NCALD: variants seen among roughly 807,000 people sequenced by gnomAD.
NCALD encodes the protein neurocalcin delta.
NCALD carries 10 observed loss-of-function variants against 18.6 expected under a neutral mutation model. That is an observed-to-expected ratio of 0.54 (90% CI 0.33 to 0.91). NCALD has a LOEUF of 0.91. Among genes scored for constraint, NCALD ranks in the 40% least tolerant of loss-of-function variants. The pLI is 0.03. For missense variants in NCALD, 184 were observed against 247.6 expected (o/e 0.74, Z 1.72); for synonymous variants, 88 against 87.4 (o/e 1.01, Z -0.04).
At chr8:102,032,147 C>G (rs1221354776) in intron 1 of NCALD, among the ~76,000 whole-genome samples, 1 of 152,106 alleles carries the variant, frequency 6.6e-6, no homozygotes, top group Non-Finnish European at 1.5e-5. Context: ...ACCATAAAAT[C>G]AGCTAAGTGA....
rs1586297194 is a variant in NCALD, at chr8:101,719,659, A to G, written c.-19-11T>C. The G allele has an allele frequency of 2.0e-6, 3 of 1,535,542 alleles. No individual in the cohort carries two copies. The highest frequency in any genetic ancestry group is 1.7e-6 in the Non-Finnish European group (2 of 1,146,918). ...GCGGCAAGAATTCAGCTGCAGATAG[A>G]AAAGAAAACATATATAATTTGTAGA... On this transcript the variant is annotated splice_polypyrimidine_tract_variant and intron_variant, in intron 1 of 3. Coordinates refer to ENST00000220931, the MANE Select transcript of NCALD (RefSeq NM_032041.3).
chr8:101,862,060 T>C (rs1402694199), intron 4 of NCALD, among the ~76,000 whole-genome samples: 1 of 152,218 alleles, frequency 6.6e-6, no homozygotes, highest in Admixed American at 6.5e-5. Context: ...TGCCCTTAAG[T>C]AGTAAACAAG....
chr8:102,081,159 C>G (rs1370339957), intron 1 of NCALD, among the ~76,000 whole-genome samples: 1 of 151,968 alleles, frequency 6.6e-6, no homozygotes, highest in Non-Finnish European at 1.5e-5. Flanking sequence ...CTTTTATGAC[C>G]CTTTCTGTTG....
At chr8:101,823,546 G>C (rs1813806944) in intron 4 of NCALD, among the ~76,000 whole-genome samples, 1 of 151,556 alleles carries the variant, frequency 6.6e-6, no homozygotes, top group African/African-American at 2.4e-5. Context: ...AAGACGTTGA[G>C]CAAATAAAAA....
At position 101,902,505 on chromosome 8, in the gene NCALD, A is replaced by G. The variant is rs75517155; in HGVS notation, c.-107+13304T>C. On this transcript the variant is annotated intron_variant, in intron 3 of 6. Transcript: ENST00000311028. Reference sequence around the variant, plus strand: ...CTCCTTTCAACAGCCCTCTGTTAGAACATGCCCTAGAGTTCCTCTACAGAG... The same window carrying G: ...CTCCTTTCAACAGCCCTCTGTTAGAGCATGCCCTAGAGTTCCTCTACAGAG... 4.9e-3 allele frequency among the ~76,000 whole-genome samples: 748 copies of G among 152,296 alleles called. 3 individuals are homozygous for G. The highest frequency in any genetic ancestry group is 7.4e-3 in the Non-Finnish European group (502 of 68,020).
At chr8:101,962,265 C>A (rs1303147765) in intron 2 of NCALD, among the ~76,000 whole-genome samples, 1 of 152,192 alleles carries the variant, frequency 6.6e-6, no homozygotes, top group Non-Finnish European at 1.5e-5. Flanking sequence ...ATGGCACAGT[C>A]TGCCAAACTC....
intron 2 of NCALD, among the ~76,000 whole-genome samples, chr8:101,938,785 A>G (rs1449572774): frequency 6.6e-6 from 1 of 152,220 alleles, no homozygotes; most frequent in Non-Finnish European, 1.5e-5. Flanking sequence ...CTCAACCTGT[A>G]CTGAGCACAG....
chr8:101,800,784 C>CTTGAA (rs1812808592), intron 4 of NCALD, among the ~76,000 whole-genome samples: 1 of 142,640 alleles, frequency 7.0e-6, no homozygotes, highest in African/African-American at 2.6e-5. Context: ...AAGAGGATCA[C>CTTGAA]TTGAACCCAG....
intron 3 of NCALD, among the ~76,000 whole-genome samples, chr8:101,903,242 G>T (rs1458818954): frequency 6.7e-6 from 1 of 150,294 alleles, no homozygotes; most frequent in Non-Finnish European, 1.5e-5. Flanking sequence ...CTATCACCAG[G>T]CTGGAGTGCA....
At chr8:102,096,761 C>G (rs915582416) in intron 1 of NCALD, among the ~76,000 whole-genome samples, 1 of 152,188 alleles carries the variant, frequency 6.6e-6, no homozygotes, top group Non-Finnish European at 1.5e-5. Context: ...TGTATCTGGG[C>G]TCTTGAGCCC....
intron 2 of NCALD, among the ~76,000 whole-genome samples, chr8:101,998,299 C>T (rs1459784668): frequency 6.6e-6 from 1 of 152,142 alleles, no homozygotes; most frequent in Non-Finnish European, 1.5e-5. Flanking sequence ...TTCCTGCAAA[C>T]CTAATGTCAC....
chr8:101,854,777 A>T (rs914050789), intron 4 of NCALD, among the ~76,000 whole-genome samples: 44 of 152,190 alleles, frequency 2.9e-4, no homozygotes, highest in African/African-American at 9.6e-4. Context: ...GCTTTAAAAA[A>T]TTTTCATAAA....
intron 2 of NCALD, among the ~76,000 whole-genome samples, chr8:101,952,883 A>G (rs532498070): frequency 6.6e-6 from 1 of 151,360 alleles, no homozygotes; most frequent in East Asian, 1.9e-4. Flanking sequence ...CACAAATGCA[A>G]CTGACAGAGC....
chr8:102,084,551 C>A (rs1488913368), intron 1 of NCALD, among the ~76,000 whole-genome samples: 1 of 152,250 alleles, frequency 6.6e-6, no homozygotes, highest in African/African-American at 2.4e-5. Flanking sequence ...TCCCCTGATT[C>A]TTCCCTTGAT....
chr8:102,098,318 C>T (rs1229327786), intron 1 of NCALD, among the ~76,000 whole-genome samples: 2 of 152,090 alleles, frequency 1.3e-5, no homozygotes, highest in African/African-American at 2.4e-5. Context: ...ATTTATCCTC[C>T]CCATTTCCTC....
rs1041994227 is a variant in NCALD, at chr8:101,790,862, C to G, written c.-20G>C. The G allele has an allele frequency of 6.6e-6, 1 of 152,188 alleles. No individual in the cohort carries two copies. Among genetic ancestry groups the G allele is most frequent in the Non-Finnish European group, 1.5e-5 (1 of 68,042 alleles). The allele number at this position is 152,188 out of a possible 1,614,324, so 9.4% of individuals were successfully genotyped here. A position where few individuals can be genotyped will look rare whatever the true frequency, so the allele number is the denominator to read the frequency against. On this transcript the variant is annotated splice_region_variant and 5_prime_UTR_variant, in exon 1 of 4. Transcript: ENST00000220931. ...ATTGTATATAAAGCAAACTAATTAC[C>G]TCACTCAGAAGAAGTGCAAGATTTA... is the stretch of plus-strand genomic sequence containing the variant.
intron 1 of NCALD, among the ~76,000 whole-genome samples, chr8:101,741,982 G>A (rs756458432): frequency 6.7e-5 from 10 of 149,032 alleles, no homozygotes; most frequent in Non-Finnish European, 8.9e-5. Context: ...GGCCGGGTGC[G>A]GTGGCTCACA....
chr8:102,013,560 C>T (rs1821978443), intron 2 of NCALD, among the ~76,000 whole-genome samples: 1 of 152,192 alleles, frequency 6.6e-6, no homozygotes, highest in African/African-American at 2.4e-5. Flanking sequence ...ACCAGAACAA[C>T]TCTTTACCTG....
intron 1 of NCALD, among the ~76,000 whole-genome samples, chr8:101,722,576 ATCTAC>A (rs1462794912): frequency 6.6e-6 from 1 of 152,210 alleles, no homozygotes; most frequent in African/African-American, 2.4e-5. Context: ...TGATATTTAA[ATCTAC>A]TCTCTTAAAG....
Sources: gnomAD v4.1 joint callset for allele counts (sites outside exome capture counted in the v4.1 genomes callset) on GRCh38, gnomAD v4.1.1 for gene constraint, MANE v1.5 for transcripts, NCBI Gene and HGNC (gene_info 2026-07-23, HGNC 2026-07-21) for gene names.